AGBL4: variants seen among roughly 807,000 people sequenced by gnomAD.
The protein encoded by AGBL4 is AGBL carboxypeptidase 4.
Under a neutral mutation model 66.4 loss-of-function variants are expected in AGBL4, and 58 were observed. That is an observed-to-expected ratio of 0.87 (90% CI 0.71 to 1.09). AGBL4 has a LOEUF of 1.09. Among genes scored for constraint, AGBL4 ranks in the 50% least tolerant of loss-of-function variants. The pLI is 0.00. For synonymous variants in AGBL4, 234 were observed against 222.9 expected (o/e 1.05, Z -0.44); for missense variants, 579 against 631.0 (o/e 0.92, Z 0.88).
intron 6 of AGBL4, among the ~76,000 whole-genome samples, chr1:48,673,746 G>A (rs1244693809): frequency 6.6e-6 from 1 of 152,220 alleles, no homozygotes; most frequent in Non-Finnish European, 1.5e-5. Flanking sequence ...AGCCAAGGAA[G>A]GCAAGGAAGG....
At position 49,497,726 on chromosome 1, in the gene AGBL4, T is replaced by C. The variant is rs966677447; in HGVS notation, c.282+199587A>G. On this transcript the variant is annotated intron_variant, in intron 3 of 13. Coordinates refer to ENST00000371839, the MANE Select transcript of AGBL4 (RefSeq NM_032785.4). Reference sequence around the variant, plus strand: ...TGGGTTTATTTCTGGGTTCACTCTCTATTTTCTTGGTCAATGTGTCTATTT... The same window carrying C: ...TGGGTTTATTTCTGGGTTCACTCTCCATTTTCTTGGTCAATGTGTCTATTT... Among the ~76,000 whole-genome samples, 8 of 152,050 alleles carry C rather than the reference T, an allele frequency of 5.3e-5. No individual in the cohort carries two copies. The East Asian group carries it at 9.6e-4, about 18-fold the overall frequency.
At chr1:49,346,003 TA>T (rs1645626720) in intron 3 of AGBL4, among the ~76,000 whole-genome samples, 1 of 152,100 alleles carries the variant, frequency 6.6e-6, no homozygotes, top group African/African-American at 2.4e-5. Context: ...AAGTTTAATC[TA>T]AGATTCTTGA....
intron 4 of AGBL4, among the ~76,000 whole-genome samples, chr1:49,175,608 A>G (rs575053136): frequency 6.6e-6 from 1 of 152,270 alleles, no homozygotes; most frequent in Admixed American, 6.5e-5. Flanking sequence ...TGTTTTCTAA[A>G]GTGATTTCTA....
intron 4 of AGBL4, among the ~76,000 whole-genome samples, chr1:49,047,264 C>T (rs1342476109): frequency 6.6e-6 from 1 of 151,850 alleles, no homozygotes; most frequent in African/African-American, 2.4e-5. Flanking sequence ...AAATGATGGG[C>T]CATGGGGTCT....
At chr1:48,731,191 T>C (rs999246707) in intron 6 of AGBL4, among the ~76,000 whole-genome samples, 1 of 152,102 alleles carries the variant, frequency 6.6e-6, no homozygotes, top group African/African-American at 2.4e-5. Context: ...AAATGCAATC[T>C]GGAACAGCTC....
chr1:49,151,264 G>A (rs1284082932), intron 4 of AGBL4, among the ~76,000 whole-genome samples: 8 of 130,400 alleles, frequency 6.1e-5, no homozygotes, highest in East Asian at 2.1e-4. Context: ...GCAAGACTCC[G>A]TCTCAAAAAA....
At chr1:48,976,866 C>T (rs1328973915) in intron 5 of AGBL4, among the ~76,000 whole-genome samples, 1 of 152,034 alleles carries the variant, frequency 6.6e-6, no homozygotes, top group Non-Finnish European at 1.5e-5. Flanking sequence ...ACACTCTTTC[C>T]AGATTTTATA....
chr1:49,559,699 T>C (rs1475661641), intron 3 of AGBL4, among the ~76,000 whole-genome samples: 1 of 152,050 alleles, frequency 6.6e-6, no homozygotes, highest in Non-Finnish European at 1.5e-5. Context: ...GCTTTTGGAG[T>C]CTTGAACTTA....
chr1:49,735,288 G>GGT (rs1427680233), intron 2 of AGBL4, among the ~76,000 whole-genome samples: 2 of 115,052 alleles, frequency 1.7e-5, no homozygotes, highest in Non-Finnish European at 3.2e-5. Flanking sequence ...AAGAGGTAGA[G>GGT]GTGTGTGGGT....
chr1:49,263,235 G>T (rs1653394550), intron 3 of AGBL4, among the ~76,000 whole-genome samples: 1 of 130,028 alleles, frequency 7.7e-6, no homozygotes, highest in Non-Finnish European at 1.8e-5. Flanking sequence ...CAGCACACCA[G>T]CATGGCACAT....
intron 4 of AGBL4, among the ~76,000 whole-genome samples, chr1:49,111,045 A>G (rs1336018984): frequency 6.6e-6 from 1 of 152,018 alleles, no homozygotes; most frequent in Non-Finnish European, 1.5e-5. Flanking sequence ...TTCAAGACCT[A>G]TCTGACTTTA....
intron 3 of AGBL4, among the ~76,000 whole-genome samples, chr1:49,322,135 A>C (rs913108089): frequency 6.6e-5 from 10 of 152,234 alleles, no homozygotes; most frequent in Admixed American, 1.3e-4. Context: ...TTAATGAAAA[A>C]TAATTAAGGG....
chr1:49,353,989 G>C (rs911408725), intron 3 of AGBL4, among the ~76,000 whole-genome samples: 50 of 152,104 alleles, frequency 3.3e-4, no homozygotes, highest in African/African-American at 1.2e-3. Context: ...ATTCTTCCTG[G>C]ATACAAAAAA....
At chr1:49,113,748 C>T (rs1430770880) in intron 4 of AGBL4, among the ~76,000 whole-genome samples, 2 of 152,190 alleles carry the variant, frequency 1.3e-5, no homozygotes, top group African/African-American at 4.8e-5. Context: ...CGTTAGCAGG[C>T]ATGAAAACAG....
chr1:49,542,912 A>C (rs1281222805), intron 3 of AGBL4, among the ~76,000 whole-genome samples: 15 of 150,546 alleles, frequency 1.0e-4, no homozygotes, highest in Admixed American at 7.9e-4. Context: ...AAAAAAAAAA[A>C]AAAAAAAAAA....
chr1:49,110,278 G>A (rs1645380086), intron 4 of AGBL4, among the ~76,000 whole-genome samples: 1 of 151,884 alleles, frequency 6.6e-6, no homozygotes, highest in Admixed American at 6.6e-5. Flanking sequence ...CCTTATCCAG[G>A]CCCCAAATAA....
chr1:49,428,834 C>T (rs945539204), intron 3 of AGBL4, among the ~76,000 whole-genome samples: 2 of 152,224 alleles, frequency 1.3e-5, no homozygotes, highest in Non-Finnish European at 2.9e-5. Flanking sequence ...CATTATTCCT[C>T]ATCCATGGCC....
At chr1:48,597,611 T>TCC (rs1645012679) in intron 9 of AGBL4, among the ~76,000 whole-genome samples, 4 of 150,660 alleles carry the variant, frequency 2.7e-5, no homozygotes, top group African/African-American at 7.3e-5. Context: ...AAAATTGTCT[T>TCC]TCAAAAAGGA....
intron 3 of AGBL4, among the ~76,000 whole-genome samples, chr1:49,679,183 T>G (rs1303610570): frequency 6.6e-6 from 1 of 152,176 alleles, no homozygotes; most frequent in Non-Finnish European, 1.5e-5. Context: ...TCAATCAGTT[T>G]TATTAGTTTT....
Sources: gnomAD v4.1 joint callset for allele counts (sites outside exome capture counted in the v4.1 genomes callset) on GRCh38, gnomAD v4.1.1 for gene constraint, MANE v1.5 for transcripts, NCBI Gene and HGNC (gene_info 2026-07-23, HGNC 2026-07-21) for gene names.